Variants in SLC25A48 observed in about 807,000 individuals in gnomAD.
SLC25A48 encodes the protein solute carrier family 25 member 48, also known as CTC-321K16.1.
SLC25A48 carries 29 observed loss-of-function variants against 32.2 expected under a neutral mutation model. The ratio of observed to expected loss-of-function variants is 0.90; its 90% confidence interval spans 0.67 to 1.23. The LOEUF (loss-of-function observed/expected upper bound fraction) is 1.23, where lower values mean the gene tolerates loss of function less well. SLC25A48 is among the 50% of genes most tolerant of loss of function. SLC25A48 has a pLI of 0.00. For synonymous variants in SLC25A48, 164 were observed against 172.3 expected, an observed-to-expected ratio of 0.95 and a Z score of 0.38; for missense variants, 399 against 422.7, an observed-to-expected ratio of 0.94 and a Z score of 0.49.
chr5:135,853,589 C>T (rs1398186276), intron 4 of SLC25A48, among the ~76,000 whole-genome samples: 3 of 152,192 alleles, frequency 2.0e-5, no homozygotes, highest in Middle Eastern at 3.2e-3. Flanking sequence ...CATGAGATTG[C>T]ACCATTCAGC....
At chr5:135,814,309 C>T (rs1343998517) in intron 4 of SLC25A48, among the ~76,000 whole-genome samples, 1 of 152,190 alleles carries the variant, frequency 6.6e-6, no homozygotes, top group Non-Finnish European at 1.5e-5. Context: ...CAGTCCAGCC[C>T]TTCTGCCTCT....
chr5:135,753,363 G>A (rs1294618040), intron 3 of SLC25A48, among the ~76,000 whole-genome samples: 3 of 152,044 alleles, frequency 2.0e-5, no homozygotes, highest in African/African-American at 4.8e-5. Flanking sequence ...GTAATATCTC[G>A]AGGACGTTAT....
intron 3 of SLC25A48, among the ~76,000 whole-genome samples, chr5:135,808,598 C>T (rs1757524609): frequency 6.6e-6 from 1 of 152,038 alleles, no homozygotes; most frequent in Admixed American, 6.6e-5. Flanking sequence ...CTTAGAAAAT[C>T]CTGAGGGGTA....
intron 3 of SLC25A48, among the ~76,000 whole-genome samples, chr5:135,700,371 C>CAAAAAAA (rs34125451): frequency 1.4e-3 from 91 of 66,690 alleles, no homozygotes; most frequent in East Asian, 2.0e-3. Flanking sequence ...GACTCTGTCT[C>CAAAAAAA]AAAAAAAAAA....
At chr5:135,809,692 G>A (rs898185885) in intron 3 of SLC25A48, among the ~76,000 whole-genome samples, 2 of 152,106 alleles carry the variant, frequency 1.3e-5, no homozygotes, top group Admixed American at 1.3e-4. Context: ...CTGTCCATGT[G>A]GATTTGTCTT....
At chr5:135,707,680 AC>A (rs1295399159) in intron 3 of SLC25A48, among the ~76,000 whole-genome samples, 1 of 151,492 alleles carries the variant, frequency 6.6e-6, no homozygotes, top group African/African-American at 2.4e-5. Context: ...GCCACCTGTG[AC>A]CCCCTTAGCA....
intron 1 of SLC25A48, among the ~76,000 whole-genome samples, chr5:135,596,718 T>C (rs753796117): frequency 4.6e-5 from 7 of 152,164 alleles, no homozygotes; most frequent in Non-Finnish European, 1.0e-4. Context: ...AATTTTCTTA[T>C]CCTGTGTAAA....
At chr5:135,678,373 T>G (rs1211368265) in intron 3 of SLC25A48, among the ~76,000 whole-genome samples, 6 of 152,200 alleles carry the variant, frequency 3.9e-5, no homozygotes, top group African/African-American at 1.4e-4. Flanking sequence ...GAATTTGTGT[T>G]TGGTTCTTTT....
At chr5:135,594,013 C>T (rs1751587680) in intron 1 of SLC25A48, among the ~76,000 whole-genome samples, 1 of 152,190 alleles carries the variant, frequency 6.6e-6, no homozygotes, top group South Asian at 2.1e-4. Flanking sequence ...TGATACACAG[C>T]ATGGTCTTGC....
intron 3 of SLC25A48, among the ~76,000 whole-genome samples, chr5:135,753,099 T>C (rs970497223): frequency 4.6e-5 from 7 of 152,070 alleles, no homozygotes; most frequent in Non-Finnish European, 1.0e-4. Flanking sequence ...TTAGCAATAA[T>C]TGCTCAAGGA....
intron 3 of SLC25A48, among the ~76,000 whole-genome samples, chr5:135,695,706 T>C (rs59936972): frequency 6.6e-6 from 1 of 152,344 alleles, no homozygotes; most frequent in African/African-American, 2.4e-5. Flanking sequence ...GTGTTTCTTC[T>C]TGGACCCCAG....
intron 3 of SLC25A48, among the ~76,000 whole-genome samples, chr5:135,786,331 C>T (rs1756848634): frequency 6.6e-6 from 1 of 152,070 alleles, no homozygotes; most frequent in Non-Finnish European, 1.5e-5. Flanking sequence ...TGTGTGTACA[C>T]CATGTGTGTA....
At chr5:135,627,840 T>G (rs1024440) in intron 1 of SLC25A48, among the ~76,000 whole-genome samples, 70,372 of 151,886 alleles carry the variant, frequency 0.46, 16,982 homozygotes, top group African/African-American at 0.61. Flanking sequence ...GGACCTGAAA[T>G]TTATTTCTTT....
At position 135,767,004 on chromosome 5, in the gene SLC25A48, G is replaced by GGGT. The variant is rs369615267; in HGVS notation, c.-520-45517_-520-45515dup. Reference sequence around the variant, plus strand: ...GGTTCGTAATATACAGGGGAAAAGAGGGTGATATTACTTCCCATATAGCTT... The same window carrying GGGT: ...GGTTCGTAATATACAGGGGAAAAGAGGGTGGTGATATTACTTCCCATATAGCTT... On this transcript the variant is annotated intron_variant, in intron 3 of 10. Coordinates refer to the SLC25A48 transcript ENST00000646290. Among the ~76,000 whole-genome samples the GGGT allele has an allele frequency of 5.1e-3, 778 of 151,974 alleles. 4 individuals are homozygous for GGGT. Among genetic ancestry groups the GGGT allele is most frequent in the African/African-American group, 0.018 (748 of 41,414 alleles).
intron 3 of SLC25A48, among the ~76,000 whole-genome samples, chr5:135,684,943 C>T (rs752929104): frequency 6.6e-6 from 1 of 152,124 alleles, no homozygotes; most frequent in Non-Finnish European, 1.5e-5. Context: ...ACTTACAGGG[C>T]CAAAAACTAG....
chr5:135,716,475 G>A (rs922919723), intron 3 of SLC25A48, among the ~76,000 whole-genome samples: 2 of 152,098 alleles, frequency 1.3e-5, no homozygotes, highest in African/African-American at 4.8e-5. Flanking sequence ...AAGAGATTGG[G>A]GTAGATAAAT....
At chr5:135,883,034 T>C (rs1762589853) in intron 7 of SLC25A48, 1 of 985,290 alleles carries the variant, frequency 1.0e-6, no homozygotes, top group Non-Finnish European at 1.2e-6. Context: ...CGTTAGAAGA[T>C]GTTCTTGTCT....
At chr5:135,717,046 C>T (rs1754818462) in intron 3 of SLC25A48, among the ~76,000 whole-genome samples, 1 of 152,108 alleles carries the variant, frequency 6.6e-6, no homozygotes, top group Non-Finnish European at 1.5e-5. Context: ...GATGTTTTGT[C>T]CTGTTGGGGC....
At chr5:135,862,843 G>A (rs1760908376) in intron 4 of SLC25A48, among the ~76,000 whole-genome samples, 1 of 152,160 alleles carries the variant, frequency 6.6e-6, no homozygotes, top group African/African-American at 2.4e-5. Context: ...TGGGGGTTTT[G>A]GAAGATGTGG....
Sources: allele counts gnomAD v4.1 joint callset (sites outside exome capture counted in the v4.1 genomes callset), GRCh38; gene constraint gnomAD v4.1.1; transcripts MANE v1.5; gene names NCBI Gene and HGNC (gene_info 2026-07-23, HGNC 2026-07-21).